MYLK: variants seen among roughly 807,000 people sequenced by gnomAD.
The protein encoded by MYLK is myosin light chain kinase, also known as myosin light chain kinase, smooth muscle.
A neutral mutation model predicts 203.4 loss-of-function variants in MYLK; 106 were observed. That is an observed-to-expected ratio of 0.52 (90% CI 0.45 to 0.61). The LOEUF (loss-of-function observed/expected upper bound fraction) is 0.61. Ranked by LOEUF, MYLK falls within the 20% of genes least tolerant of loss-of-function variation. The probability of loss-of-function intolerance (pLI) is 0.00; values close to 1 mark genes in which losing one functional copy is unlikely to be tolerated. For missense variants in MYLK, 2,072 were observed against 2,442.3 expected, an observed-to-expected ratio of 0.85 and a Z score of 3.20; for synonymous variants, 867 against 959.5, an observed-to-expected ratio of 0.90 and a Z score of 1.78.
rs554941208 is a variant in MYLK, at chr3:123,865,222, T to C, written c.-127+11337A>G. ...ACTCAGTGTCCTGTAACAAGGCCCT[T>C]ACATTCTAGCCTTATTCTGCCATTG... is the stretch of plus-strand genomic sequence containing the variant. On this transcript the variant is annotated intron_variant, in intron 2 of 33. Transcript: ENST00000360304. Among the ~76,000 whole-genome samples, 7 of 152,346 alleles carry C rather than the reference T, an allele frequency of 4.6e-5. No homozygotes were observed. The South Asian group carries it at 1.2e-3, about 27-fold the overall frequency.
intron 1 of MYLK, among the ~76,000 whole-genome samples, chr3:123,877,582 G>A (rs976099342): frequency 7.9e-5 from 12 of 152,134 alleles, no homozygotes; most frequent in African/African-American, 2.9e-4. Flanking sequence ...CATACTATTG[G>A]GTAACATCAG....
intron 4 of MYLK, among the ~76,000 whole-genome samples, chr3:123,773,582 G>A (rs2063957781): frequency 6.6e-6 from 1 of 152,186 alleles, no homozygotes. Flanking sequence ...AGCTGAAATC[G>A]ACATGGTTGG....
At chr3:123,620,538 G>C (rs1303191380) in intron 31 of MYLK, 2 of 1,426,366 alleles carry the variant, frequency 1.4e-6, no homozygotes, top group African/African-American at 2.9e-5. Context: ...AAGATGTTCA[G>C]AGAATGGAAT....
At chr3:123,792,956 G>A (rs1361715273) in intron 4 of MYLK, among the ~76,000 whole-genome samples, 1 of 152,120 alleles carries the variant, frequency 6.6e-6, no homozygotes, top group East Asian at 1.9e-4. Context: ...AGACAACCAC[G>A]TAGCCAGACC....
intron 2 of MYLK, among the ~76,000 whole-genome samples, chr3:123,856,449 C>T (rs1340477851): frequency 6.6e-6 from 1 of 152,212 alleles, no homozygotes; most frequent in African/African-American, 2.4e-5. Flanking sequence ...TTTGCCAAGT[C>T]AACCCTAACA....
chr3:123,658,181 T>C (rs2059450150), intron 23 of MYLK, among the ~76,000 whole-genome samples: 1 of 152,216 alleles, frequency 6.6e-6, no homozygotes, highest in Non-Finnish European at 1.5e-5. Flanking sequence ...CCCTACCTCT[T>C]TTATTCTCAG....
At chr3:123,789,146 T>C (rs1166872456) in intron 4 of MYLK, among the ~76,000 whole-genome samples, 2 of 152,074 alleles carry the variant, frequency 1.3e-5, no homozygotes, top group African/African-American at 4.8e-5. Flanking sequence ...TGGCTGTCTG[T>C]ACATGGAAGC....
At chr3:123,635,590 A>G (rs931137079) in intron 29 of MYLK, among the ~76,000 whole-genome samples, 1 of 152,124 alleles carries the variant, frequency 6.6e-6, no homozygotes, top group African/African-American at 2.4e-5. Flanking sequence ...CATCAAAACT[A>G]TCTTCTCCCC....
chr3:123,761,256 G>A (rs2108928317), intron 4 of MYLK, among the ~76,000 whole-genome samples: 1 of 152,268 alleles, frequency 6.6e-6, no homozygotes, highest in East Asian at 1.9e-4. Context: ...AGCAAGGGTG[G>A]GCAAAAGTGA....
rs2060281213 is a variant in MYLK at position 123,681,983 on chromosome 3, A to G, written c.3652+241T>C. 5.2e-6 allele frequency: 3 copies of G among 578,758 alleles called. No individual in the cohort carries two copies. In the South Asian group the frequency reaches 5.6e-5, roughly 11 times the overall value. 35.9% of individuals were successfully genotyped at this position (578,758 alleles called of 1,614,324 possible). A position where few individuals can be genotyped will look rare whatever the true frequency, so the allele number is the denominator to read the frequency against. On this transcript the variant is annotated intron_variant, in intron 20 of 33. Transcript: ENST00000360304. Reference sequence around the variant, plus strand: ...GGAGGTAGATAGGAGCTCAGATGAGATGTGCAACACCACCCAGGCTGGAGA... The same window carrying G: ...GGAGGTAGATAGGAGCTCAGATGAGGTGTGCAACACCACCCAGGCTGGAGA...
intron 20 of MYLK, among the ~76,000 whole-genome samples, chr3:123,675,688 A>C (rs1014774902): frequency 6.6e-6 from 1 of 152,166 alleles, no homozygotes; most frequent in Non-Finnish European, 1.5e-5. Flanking sequence ...CAAAATTCCC[A>C]AAATCAGCAT....
At chr3:123,692,635 G>C (rs2060723199) in intron 19 of MYLK, 100 bp downstream of exon 19, 2 of 973,102 alleles carry the variant, frequency 2.1e-6, no homozygotes, top group Non-Finnish European at 1.7e-6. Flanking sequence ...GGCAGTGTTG[G>C]AGGCAGTTCT....
At chr3:123,788,005 G>A (rs1184540675) in intron 4 of MYLK, among the ~76,000 whole-genome samples, 17 of 152,162 alleles carry the variant, frequency 1.1e-4, no homozygotes, top group Non-Finnish European at 2.9e-5. Flanking sequence ...GTGAGGAGCT[G>A]GTCATCAACG....
rs974109787 is a variant in MYLK, at chr3:123,614,108, CTCT to C, written c.5739_5741del (p.Glu1914del). ...ACTGCTTTTCTCTGGCTTTGTTTCA[CTCT>C]TCTTCCTCTTCCCCTTCCCCTTCAC... On this transcript the variant is annotated inframe_deletion, in exon 34 of 34. Transcript: ENST00000360304. 2.5e-6 allele frequency: 4 copies of C among 1,610,094 alleles called. No individual in the cohort carries two copies. The highest frequency in any genetic ancestry group is 1.7e-4 in the Middle Eastern group (1 of 6,040).
intron 12 of MYLK, among the ~76,000 whole-genome samples, chr3:123,724,662 A>C (rs1236056605): frequency 6.6e-6 from 1 of 152,204 alleles, no homozygotes; most frequent in Non-Finnish European, 1.5e-5. Flanking sequence ...CACAGGCAAT[A>C]CATCAATGAC....
intron 4 of MYLK, among the ~76,000 whole-genome samples, chr3:123,754,104 C>T (rs138426645): frequency 1.7e-4 from 26 of 152,334 alleles, no homozygotes; most frequent in Middle Eastern, 3.4e-3. Context: ...TAAAAAGCGC[C>T]GGTCGTTGTC....
intron 3 of MYLK, among the ~76,000 whole-genome samples, chr3:123,817,255 C>G (rs976933884): frequency 6.6e-6 from 1 of 152,108 alleles, no homozygotes; most frequent in Non-Finnish European, 1.5e-5. Flanking sequence ...TCTTTAAAAC[C>G]CTTTGATGAA....
intron 18 of MYLK, among the ~76,000 whole-genome samples, chr3:123,697,647 A>T (rs116130812): frequency 3.3e-4 from 51 of 152,326 alleles, no homozygotes; most frequent in African/African-American, 1.2e-3. Context: ...TGGACAGTAC[A>T]GTCATTGTTG....
intron 2 of MYLK, among the ~76,000 whole-genome samples, chr3:123,874,051 A>T (rs539185312): frequency 6.6e-6 from 1 of 152,248 alleles, no homozygotes; most frequent in Admixed American, 6.5e-5. Flanking sequence ...AAAATCCAAC[A>T]TTGTTAAGAT....
Sources: gnomAD v4.1 joint callset for allele counts (sites outside exome capture counted in the v4.1 genomes callset) on GRCh38, gnomAD v4.1.1 for gene constraint, MANE v1.5 for transcripts, NCBI Gene and HGNC (gene_info 2026-07-23, HGNC 2026-07-21) for gene names.